The following OBSL1 variants were observed in gnomAD, a reference collection of about 807,000 sequenced individuals.
OBSL1 encodes the protein obscurin like cytoskeletal adaptor 1, also known as obscurin-like protein 1.
A neutral mutation model predicts 172.0 loss-of-function variants in OBSL1; 160 were observed. The observed-to-expected ratio is 0.93, with a 90% CI of 0.82 to 1.06. OBSL1 has a LOEUF of 1.06. Among genes scored for constraint, OBSL1 ranks in the 50% least tolerant of loss-of-function variants. OBSL1 has a pLI of 0.00. For synonymous variants in OBSL1, 1,200 were observed against 1,196.3 expected (o/e 1.00, Z -0.06); for missense variants, 2,681 against 2,715.4 (o/e 0.99, Z 0.28).
chr2:219,557,269 T>G, intron 12 of OBSL1, 74 bp downstream of exon 12: 1 of 1,383,128 alleles, frequency 7.2e-7, no homozygotes, highest in Non-Finnish European at 9.5e-7. Context: ...GGTGGAGGAG[T>G]AAGGGGGCCC....
chr2:219,552,871 G>T lies in OBSL1; in HGVS notation c.5143C>A (p.Arg1715Ser). 1.3e-6 allele frequency: 2 copies of T among 1,542,594 alleles called. No individual in the cohort carries two copies. The highest frequency in any genetic ancestry group is 1.2e-5 in the South Asian group (1 of 83,832). Reference sequence around the variant, plus strand: ...CTCCACATCACCCCGTACCCACCGCGCACGGTCAGGCGGACCGGTCCGGCG... The same window carrying T: ...CTCCACATCACCCCGTACCCACCGCTCACGGTCAGGCGGACCGGTCCGGCG... ...ARAGPVRLTV[R>S]ERTVAVLSEL... The change falls in exon 17 of 21, where the codon CGC becomes AGC. Residue 1715 changes from arginine to serine, a missense_variant. Arg to Ser is a moderately radical substitution (Grantham distance 110, BLOSUM62 -1). Transcript: ENST00000404537.
In OBSL1 at chr2:219,550,858, T is replaced by TC. The variant is rs759284376; in HGVS notation, c.5684-17dup. The TC allele has an allele frequency of 1.3e-6, 2 of 1,595,402 alleles. No individual in the cohort carries two copies. Among genetic ancestry groups the TC allele is most frequent in the East Asian group, 4.5e-5 (2 of 44,282 alleles). Reference sequence around the variant, plus strand: ...TCCTAGTTGCCTGCAGAGGAATGACTCCACATGGGGCTGGGGAGAGAAGGG... The same window carrying TC: ...TCCTAGTTGCCTGCAGAGGAATGACTCCCACATGGGGCTGGGGAGAGAAGGG... On this transcript the variant is annotated splice_polypyrimidine_tract_variant and intron_variant, in intron 20 of 20. Coordinates refer to ENST00000404537, the MANE Select transcript of OBSL1 (RefSeq NM_015311.3).
chr2:219,547,788 T>G (rs1695422303), downstream of OBSL1: 2 of 1,593,292 alleles, frequency 1.3e-6, no homozygotes, highest in Non-Finnish European at 1.7e-6. Flanking sequence ...TGGGGTCCAC[T>G]GGGGCTGTTG....
At position 219,570,258 on chromosome 2, in the gene OBSL1, C is replaced by T; in HGVS notation, c.975G>A (p.Ala325=). 1 of 1,590,574 alleles carries T rather than the reference C, an allele frequency of 6.3e-7. No individual in the cohort carries two copies. The highest frequency in any genetic ancestry group is 8.6e-7 in the Non-Finnish European group (1 of 1,166,128). ...GCTGCACGGCACTGAGCGTCTGGCC[C>T]GCCGAGTTGCGCGCGGCGCAGACGT... is the stretch of plus-strand genomic sequence containing the variant. The part of the protein sequence containing the change: ...GLYVCAARNS[A]GQTLSAVQLH... Residue 325 remains alanine, a synonymous_variant, in exon 1 of 21, where the codon GCG becomes GCA. Transcript: ENST00000404537.
intron 12 of OBSL1, 112 bp from the exon 13 acceptor site, chr2:219,556,835 G>T: frequency 8.4e-7 from 1 of 1,193,764 alleles, no homozygotes; most frequent in Non-Finnish European, 1.2e-6. Context: ...GACCTTCTGT[G>T]AGGACCTACT....
At chr2:219,550,542 A>G, downstream of OBSL1, 3 of 455,082 alleles carry the variant, frequency 6.6e-6, no homozygotes, top group Non-Finnish European at 1.2e-5. Flanking sequence ...CCCCCACCCC[A>G]CTCTGTTTTA....
chr2:219,570,248 G>A lies in OBSL1; in HGVS notation c.985C>T (p.Leu329Phe). The A allele has an allele frequency of 6.3e-7, 1 of 1,582,422 alleles. No homozygotes were observed. Among genetic ancestry groups the A allele is most frequent in the Non-Finnish European group, 8.6e-7 (1 of 1,162,312 alleles). ...CAARNSAGQTLSAVQLHVKEP... is the reference protein window; with the variant it reads ...CAARNSAGQTFSAVQLHVKEP... Reference sequence around the variant, plus strand: ...TTCACGTGCAGCTGCACGGCACTGAGCGTCTGGCCCGCCGAGTTGCGCGCG... The same window carrying A: ...TTCACGTGCAGCTGCACGGCACTGAACGTCTGGCCCGCCGAGTTGCGCGCG... Residue 329 changes from leucine (L) to phenylalanine (F), a missense_variant, in exon 1 of 21, where the codon CTC becomes TTC. Leu to Phe is a conservative substitution (Grantham distance 22, BLOSUM62 0). Around this residue, in one of 5 missense-constraint regions of OBSL1, gnomAD observed 706 missense variants for 695.8 expected, o/e 1.01. Coordinates refer to ENST00000404537, the MANE Select transcript of OBSL1 (RefSeq NM_015311.3).
intron 8 of OBSL1, chr2:219,562,048 C>A: frequency 1.4e-6 from 1 of 713,792 alleles, no homozygotes; most frequent in South Asian, 1.5e-5. Context: ...ATGCGCAGGG[C>A]CCCAGGACTA....
At position 219,567,965 on chromosome 2, in the gene OBSL1, G is replaced by A. The variant is rs1221752806; in HGVS notation, c.1287C>T (p.Pro429=). 2 of 1,613,720 alleles carry A rather than the reference G, an allele frequency of 1.2e-6. No individual in the cohort carries two copies. Among genetic ancestry groups the A allele is most frequent in the South Asian group, 2.2e-5 (2 of 91,072 alleles). ...RTVANVTVKG[P]ILKRLPRKLD... is the part of the protein sequence containing the mutation. ...GCTTCCGGGGCAGGCGCTTCAGGAT[G>A]GGCCCTGAGATGCGGACAGGAATCC... Residue 429 remains proline (P), a synonymous_variant, in exon 3 of 21, where the codon CCC becomes CCT. Transcript: ENST00000404537.
In OBSL1 at chr2:219,556,559, C is replaced by T; in HGVS notation, c.4231G>A (p.Gly1411Ser). The T allele has an allele frequency of 1.2e-6, 2 of 1,613,976 alleles. No homozygotes were observed. Among genetic ancestry groups the T allele is most frequent in the Non-Finnish European group, 1.7e-6 (2 of 1,179,898 alleles). Residue 1411 changes from glycine to serine, a missense_variant, in exon 13 of 21, where the codon GGT becomes AGT. Transcript: ENST00000404537. ...PGPQVEMAQN[G>S]SSRILTLRGC... is the part of the protein sequence containing the mutation. Reference sequence around the variant, plus strand: ...CGCAAGGTTAAGATGCGGCTTGAACCATTCTGGGCCATCTCCACCTGGGGC... The same window carrying T: ...CGCAAGGTTAAGATGCGGCTTGAACTATTCTGGGCCATCTCCACCTGGGGC...
At chr2:219,549,401 A>C (rs1438525959), downstream of OBSL1, 1 of 1,580,062 alleles carries the variant, frequency 6.3e-7, no homozygotes, top group East Asian at 2.3e-5. Context: ...GAAGTGTGGA[A>C]ACTCTTTCCA....
intron 16 of OBSL1, 98 bp downstream of exon 16, chr2:219,553,476 C>T (rs1695779358): frequency 2.2e-6 from 2 of 894,546 alleles, no homozygotes; most frequent in Non-Finnish European, 3.7e-6. Flanking sequence ...AGCACAGTGC[C>T]AGGCACATCC....
At position 219,554,565 on chromosome 2, in the gene OBSL1, TCGGTGACGGTGGCCGTC is replaced by T; in HGVS notation, c.4768_4784del (p.Asp1590ThrfsTer63). ...CCAGGCCCAGGCCATTGAGTACCAG[TCGGTGACGGTGGCCGTC>T]CGAGTGGATGTGACACTTGGGTCCT... is the stretch of plus-strand genomic sequence containing the variant. On this transcript the variant is annotated frameshift_variant, in exon 15 of 21. Coordinates refer to ENST00000404537, the MANE Select transcript of OBSL1 (RefSeq NM_015311.3). LOFTEE classifies it high-confidence loss of function. 6.2e-7 allele frequency: 1 copy of T among 1,613,426 alleles called. No homozygotes were observed. Among genetic ancestry groups the T allele is most frequent in the Non-Finnish European group, 8.5e-7 (1 of 1,179,850 alleles).
In OBSL1 at chr2:219,570,668, CGGGGCCGTCCT is replaced by C; in HGVS notation, c.554_564del (p.Glu185GlyfsTer65). 1 of 1,508,086 alleles carries C rather than the reference CGGGGCCGTCCT, an allele frequency of 6.6e-7. No homozygotes were observed. The allele number at this position is 1,508,086 out of a possible 1,614,324, so 93.4% of individuals were successfully genotyped here. ...AGGATGCGCAGTGCCAGGCTCGCGC[CGGGGCCGTCCT>C]CGGCGCGGCCCGGCTGGAGCGCGAA... On this transcript the variant is annotated frameshift_variant, in exon 1 of 21. Coordinates refer to ENST00000404537, the MANE Select transcript of OBSL1 (RefSeq NM_015311.3). LOFTEE classifies it high-confidence loss of function.
intron 18 of OBSL1, 132 bp downstream of exon 18, chr2:219,552,404 A>G (rs1574517985): frequency 1.1e-6 from 1 of 894,688 alleles, no homozygotes. Flanking sequence ...GGGAAAGAAC[A>G]GGGACGAGGC....
intron 14 of OBSL1, 48 bp from the exon 15 acceptor site, chr2:219,554,788 G>A (rs1278563959): frequency 6.7e-7 from 1 of 1,497,056 alleles, no homozygotes; most frequent in Admixed American, 2.1e-5. Context: ...CCAGCTCTGG[G>A]CAGGGGTTGC....
At chr2:219,550,906 G>A (rs1353813609) in intron 20 of OBSL1, 64 bp from the exon 21 acceptor site, 6 of 1,584,464 alleles carry the variant, frequency 3.8e-6, no homozygotes, top group Admixed American at 1.8e-5. Flanking sequence ...CTCTCCCCTG[G>A]CAGAGCCTGG....
intron 3 of OBSL1, 65 bp downstream of exon 3, chr2:219,567,645 TCACCAACC>T: frequency 6.3e-7 from 1 of 1,588,868 alleles, no homozygotes; most frequent in Admixed American, 1.7e-5. Flanking sequence ...TAAATCTACT[TCACCAACC>T]CAGCTCCGGC....
chr2:219,560,175 A>G (rs1257725116), intron 8 of OBSL1, among the ~76,000 whole-genome samples: 1 of 152,164 alleles, frequency 6.6e-6, no homozygotes, highest in Non-Finnish European at 1.5e-5. Flanking sequence ...CATTTTCCAT[A>G]TAAGGGACTG....
Sources: gnomAD v4.1 joint callset for allele counts (sites outside exome capture counted in the v4.1 genomes callset) on GRCh38, gnomAD v4.1.1 for gene constraint, gnomAD v4.1.1 regional missense constraint, MANE v1.5 for transcripts, NCBI Gene and HGNC (gene_info 2026-07-23, HGNC 2026-07-21) for gene names.